The following LRMDA variants were observed in gnomAD, a reference collection of about 807,000 sequenced individuals.
LRMDA encodes leucine rich melanocyte differentiation associated, also known as leucine-rich melanocyte differentiation-associated protein.
A neutral mutation model predicts 29.8 loss-of-function variants in LRMDA; 18 were observed. The observed-to-expected ratio is 0.60, with a 90% CI of 0.42 to 0.90. The LOEUF is 0.90. Ranked by LOEUF, LRMDA falls within the 40% of genes least tolerant of loss-of-function variation. The probability of loss-of-function intolerance (pLI) is 0.00; values close to 1 mark genes in which losing one functional copy is unlikely to be tolerated. For synonymous variants in LRMDA, 125 were observed against 109.4 expected (o/e 1.14, Z -0.89); for missense variants, 273 against 273.9 (o/e 1.00, Z 0.02).
At chr10:76,351,493 T>G (rs1489784831) in intron 6 of LRMDA, among the ~76,000 whole-genome samples, 1 of 152,150 alleles carries the variant, frequency 6.6e-6, no homozygotes, top group African/African-American at 2.4e-5. Context: ...TACATTTATC[T>G]GCTTTTTTAC....
chr10:76,287,641 G>T (rs558616038), intron 5 of LRMDA, among the ~76,000 whole-genome samples: 1 of 152,238 alleles, frequency 6.6e-6, no homozygotes, highest in South Asian at 2.1e-4. Flanking sequence ...TGGAAATAAG[G>T]TGTGTTTTGT....
chr10:75,451,826 C>T (rs892071540), intron 2 of LRMDA: 2 of 151,146 alleles, frequency 1.3e-5, no homozygotes, highest in Non-Finnish European at 2.9e-5. Flanking sequence ...ATTTAGCTTT[C>T]GCTACGTCTT....
intron 5 of LRMDA, among the ~76,000 whole-genome samples, chr10:76,238,313 T>A (rs1852199194): frequency 6.6e-6 from 1 of 152,088 alleles, no homozygotes; most frequent in Non-Finnish European, 1.5e-5. Flanking sequence ...TGGTCCTCTA[T>A]TTACTTATTA....
chr10:76,462,376 T>C (rs1278621832), intron 6 of LRMDA, among the ~76,000 whole-genome samples: 2 of 152,150 alleles, frequency 1.3e-5, no homozygotes, highest in Non-Finnish European at 2.9e-5. Context: ...TAGAATAAGT[T>C]CCTTCCCATC....
chr10:75,671,761 A>G (rs1013370823), intron 2 of LRMDA, among the ~76,000 whole-genome samples: 1 of 152,114 alleles, frequency 6.6e-6, no homozygotes, highest in Non-Finnish European at 1.5e-5. Context: ...CGTTCTGCAT[A>G]TGTATCCCAG....
chr10:76,192,327 G>T (rs1302479673), intron 5 of LRMDA, among the ~76,000 whole-genome samples: 4 of 152,144 alleles, frequency 2.6e-5, no homozygotes, highest in Admixed American at 2.0e-4. Context: ...GGTGCAGATT[G>T]TCCCAACTGT....
chr10:75,996,471 T>G (rs1847464064), intron 2 of LRMDA, among the ~76,000 whole-genome samples: 1 of 152,220 alleles, frequency 6.6e-6, no homozygotes, highest in Admixed American at 6.5e-5. Context: ...ACTGGAGAGT[T>G]TGAAGTCTGG....
intron 6 of LRMDA, among the ~76,000 whole-genome samples, chr10:76,395,096 G>T (rs576727936): frequency 2.0e-5 from 3 of 152,190 alleles, no homozygotes; most frequent in Admixed American, 6.5e-5. Context: ...ACCTTGAAAA[G>T]GTGAATAGAT....
chr10:75,907,967 G>C (rs1023697953), intron 2 of LRMDA, among the ~76,000 whole-genome samples: 4 of 152,188 alleles, frequency 2.6e-5, no homozygotes, highest in Admixed American at 6.5e-5. Context: ...CAGGTTGCCT[G>C]ATGAAGACGC....
intron 2 of LRMDA, among the ~76,000 whole-genome samples, chr10:75,444,968 G>A (rs559633046): frequency 2.2e-4 from 33 of 152,278 alleles, no homozygotes; most frequent in African/African-American, 5.5e-4. Flanking sequence ...CTGTCACCCA[G>A]GCTGGAATGC....
intron 5 of LRMDA, among the ~76,000 whole-genome samples, chr10:76,303,658 A>C (rs954208157): frequency 6.6e-6 from 1 of 152,058 alleles, no homozygotes; most frequent in African/African-American, 2.4e-5. Flanking sequence ...GATCTTGAAT[A>C]AACAAATCTT....
At chr10:76,290,728 CTCTAT>C (rs1186858207) in intron 5 of LRMDA, among the ~76,000 whole-genome samples, 1 of 152,098 alleles carries the variant, frequency 6.6e-6, no homozygotes, top group Non-Finnish European at 1.5e-5. Context: ...AGACTCTGTC[CTCTAT>C]TCCAATGGTG....
intron 5 of LRMDA, among the ~76,000 whole-genome samples, chr10:76,300,415 A>C (rs542573369): frequency 6.6e-6 from 1 of 152,344 alleles, no homozygotes; most frequent in Non-Finnish European, 1.5e-5. Flanking sequence ...TGATCATGGT[A>C]GGAAAGCAGG....
intron 2 of LRMDA, among the ~76,000 whole-genome samples, chr10:75,461,356 T>G (rs754062877): frequency 2.0e-4 from 30 of 152,284 alleles, no homozygotes; most frequent in Non-Finnish European, 3.1e-4. Context: ...TAGAGAGGGC[T>G]CCTCTTTAAT....
At chr10:76,477,358 C>T (rs903651837) in intron 6 of LRMDA, among the ~76,000 whole-genome samples, 1 of 152,006 alleles carries the variant, frequency 6.6e-6, no homozygotes, top group African/African-American at 2.4e-5. Context: ...TGTGAAGGAC[C>T]TCTTCAAGGA....
intron 2 of LRMDA, among the ~76,000 whole-genome samples, chr10:75,859,282 C>T (rs1589231469): frequency 6.6e-6 from 1 of 152,246 alleles, no homozygotes; most frequent in East Asian, 1.9e-4. Context: ...GTACTGGATG[C>T]TGTCAGTTTG....
At chr10:75,698,179 C>T (rs572181540) in intron 2 of LRMDA, among the ~76,000 whole-genome samples, 2 of 152,290 alleles carry the variant, frequency 1.3e-5, no homozygotes, top group South Asian at 4.1e-4. Context: ...CCTCCCTGTT[C>T]CCACCCCATT....
intron 2 of LRMDA, among the ~76,000 whole-genome samples, chr10:75,857,012 A>T (rs1778281465): frequency 6.6e-6 from 1 of 152,180 alleles, no homozygotes; most frequent in South Asian, 2.1e-4. Context: ...ATGTGCAAAA[A>T]TCACAAGCAT....
intron 2 of LRMDA, among the ~76,000 whole-genome samples, chr10:75,716,074 T>C (rs1842496273): frequency 2.0e-5 from 3 of 152,334 alleles, no homozygotes; most frequent in South Asian, 2.1e-4. Context: ...GGACCCACTG[T>C]TGGGGCTAAG....
Sources: gnomAD v4.1 joint callset for allele counts (sites outside exome capture counted in the v4.1 genomes callset) on GRCh38, gnomAD v4.1.1 for gene constraint, MANE v1.5 for transcripts, NCBI Gene and HGNC (gene_info 2026-07-23, HGNC 2026-07-21) for gene names.